Variants in MMS19 observed in about 807,000 individuals in gnomAD.
MMS19 encodes MMS19 cytosolic iron-sulfur assembly component.
Under a neutral mutation model 129.8 loss-of-function variants are expected in MMS19, and 77 were observed. The ratio of observed to expected loss-of-function variants is 0.59; its 90% CI spans 0.49 to 0.72. The LOEUF (loss-of-function observed/expected upper bound fraction) is 0.72. Among genes scored for constraint, MMS19 ranks in the 30% least tolerant of loss-of-function variants. The pLI is 0.00. For synonymous variants in MMS19, 491 were observed against 502.8 expected (o/e 0.98, Z 0.31); for missense variants, 1,168 against 1,266.3 (o/e 0.92, Z 1.18).
rs768046328 is a variant in MMS19 at position 97,468,320 on chromosome 10, G to A, written c.1150C>T (p.Arg384Trp). ...TTGCTGGTGACAGAGTCACAGGCCCGGGCAGATGCACCTGCAGCTGCCTGC... is the reference window on the plus strand; with the variant it reads ...TTGCTGGTGACAGAGTCACAGGCCCAGGCAGATGCACCTGCAGCTGCCTGC... Reference protein sequence around the residue: ...LLQAAAGASARACDSVTSNVL... With the variant: ...LLQAAAGASAWACDSVTSNVL... Residue 384 changes from arginine (R) to tryptophan (W), a missense_variant, in exon 13 of 31, where the codon CGG becomes TGG. Physicochemically the swap from Arg to Trp is moderately radical, Grantham distance 101 (BLOSUM62 -3). This residue lies in a region of MMS19 where 831 missense variants were observed against 910.8 expected (regional missense o/e 0.91). Coordinates refer to ENST00000438925, the MANE Select transcript of MMS19 (RefSeq NM_022362.5). The A allele has an allele frequency of 8.7e-6, 14 of 1,612,066 alleles. No homozygotes were observed. Among genetic ancestry groups the A allele is most frequent in the Admixed American group, 5.0e-5 (3 of 59,826 alleles).
rs2030897629 is a variant in MMS19, at chr10:97,459,216, T to C, written c.2964+7A>G. ...CCAGGCCAGGGAAGGACACCTGAGG[T>C]ACTTACCACAGGGGTGGGCAGGCGA... On this transcript the variant is annotated splice_region_variant and intron_variant, in intron 29 of 30. Transcript: ENST00000438925. The C allele has an allele frequency of 3.1e-6, 5 of 1,609,790 alleles. No homozygotes were observed. The South Asian group carries it at 5.5e-5, about 18-fold the overall frequency.
At chr10:97,486,690 C>T (rs2037905188) in intron 1 of MMS19, among the ~76,000 whole-genome samples, 1 of 151,682 alleles carries the variant, frequency 6.6e-6, no homozygotes, top group African/African-American at 2.4e-5. Flanking sequence ...TTTTTTAAAA[C>T]AAGCACTAAT....
intron 3 of MMS19, among the ~76,000 whole-genome samples, chr10:97,479,872 G>A (rs1346691438): frequency 6.6e-6 from 1 of 151,794 alleles, no homozygotes; most frequent in East Asian, 1.9e-4. Context: ...GGCAAATAGA[G>A]AGGAAAAGGG....
chr10:97,464,121 G>C (rs1164459672), intron 18 of MMS19, 108 bp from the exon 19 acceptor site: 12 of 1,004,192 alleles, frequency 1.2e-5, no homozygotes, highest in Non-Finnish European at 1.7e-5. Context: ...AAGGGACCAA[G>C]AGTGCCTTAT....
chr10:97,459,762 T>C, intron 26 of MMS19, 21 bp from the exon 27 acceptor site: 3 of 1,571,470 alleles, frequency 1.9e-6, no homozygotes, highest in Non-Finnish European at 1.7e-6. Context: ...TGGAAAGGCT[T>C]AGGGGAGAAA....
Position 97,460,247 on chromosome 10 carries a change from G to A in MMS19, c.2470-15C>T. ...AGGCCCATGAGCTGGAGAAAAAAGAGCCTTTGAGGTACATCAGGGAAGAAG... is the reference window on the plus strand; with the variant it reads ...AGGCCCATGAGCTGGAGAAAAAAGAACCTTTGAGGTACATCAGGGAAGAAG... On this transcript the variant is annotated splice_polypyrimidine_tract_variant and intron_variant, in intron 25 of 30. Transcript: ENST00000438925. 6.2e-7 allele frequency: 1 copy of A among 1,606,122 alleles called. No homozygotes were observed. The highest frequency in any genetic ancestry group is 8.5e-7 in the Non-Finnish European group (1 of 1,174,884).
At chr10:97,470,058 G>T in intron 10 of MMS19, 71 bp downstream of exon 10, 1 of 1,080,452 alleles carries the variant, frequency 9.3e-7, no homozygotes, top group Non-Finnish European at 1.4e-6. Flanking sequence ...GGCTATCCTA[G>T]AATCTATATC....
chr10:97,465,040 A>T (rs1424964422), intron 18 of MMS19, among the ~76,000 whole-genome samples: 1 of 147,022 alleles, frequency 6.8e-6, no homozygotes, highest in Non-Finnish European at 1.5e-5. Context: ...ATGGAGTTTC[A>T]CCCTGTTTGC....
At chr10:97,486,862 C>CATATATACATATATATATATATATAT (rs2037943466) in intron 1 of MMS19, among the ~76,000 whole-genome samples, 1 of 85,080 alleles carries the variant, frequency 1.2e-5, no homozygotes, top group African/African-American at 4.1e-5. Flanking sequence ...ATTAAAGTGC[C>CATATATACATATATATATATATATAT]ATATATATAT....
In MMS19 at chr10:97,460,747, G is replaced by C. The variant is rs2031604773; in HGVS notation, c.2417C>G (p.Thr806Arg). The change falls in exon 25 of 31, where the codon ACA becomes AGA. Residue 806 changes from threonine (T) to arginine (R), a missense_variant. By Grantham distance (71) the Thr-to-Arg change is moderately conservative. Around this residue, in one of 3 missense-constraint regions of MMS19, gnomAD observed 831 missense variants for 910.8 expected, o/e 0.91. Transcript: ENST00000438925. ...SQAFTLLLWV[T>R]KALVLRYHPL... ...ATGGTATCTGAGCACTAGGGCCTTT[G>C]TTACCTGTAATTGGAGACAGAGAGA... 3.1e-6 allele frequency: 5 copies of C among 1,597,500 alleles called. No homozygotes were observed. Among genetic ancestry groups the C allele is most frequent in the South Asian group, 1.1e-5 (1 of 87,898 alleles).
intron 1 of MMS19, among the ~76,000 whole-genome samples, chr10:97,497,646 T>G (rs1454863525): frequency 6.6e-6 from 1 of 151,868 alleles, no homozygotes; most frequent in Non-Finnish European, 1.5e-5. Flanking sequence ...AGCAGGAAAG[T>G]GGGGGTCTGG....
At chr10:97,492,849 A>G (rs989838157) in intron 1 of MMS19, among the ~76,000 whole-genome samples, 24 of 110,220 alleles carry the variant, frequency 2.2e-4, no homozygotes, top group Admixed American at 1.0e-3. Context: ...ACAGAGCAAG[A>G]CTTCATCTCC....
chr10:97,464,448 C>A (rs556179357), intron 18 of MMS19, among the ~76,000 whole-genome samples: 94 of 152,314 alleles, frequency 6.2e-4, no homozygotes, highest in Non-Finnish European at 1.2e-3. Context: ...GGGCCTGAAT[C>A]TACCCACAGG....
intron 19 of MMS19, 116 bp from the exon 20 acceptor site, chr10:97,462,798 T>C: frequency 1.3e-6 from 1 of 766,744 alleles, no homozygotes; most frequent in East Asian, 2.7e-5. Flanking sequence ...ACGACAGCAG[T>C]TCTTAATCTG....
chr10:97,466,351 C>T (rs1038202015), intron 16 of MMS19, among the ~76,000 whole-genome samples, 153 bp downstream of exon 16: 1 of 152,218 alleles, frequency 6.6e-6, no homozygotes, highest in East Asian at 1.9e-4. Flanking sequence ...TACATCTCTC[C>T]AACTGGTTAG....
chr10:97,462,074 A>C lies in MMS19; in HGVS notation c.2058T>G (p.Asp686Glu). 1 of 1,590,336 alleles carries C rather than the reference A, an allele frequency of 6.3e-7. No homozygotes were observed. The highest frequency in any genetic ancestry group is 8.6e-7 in the Non-Finnish European group (1 of 1,168,096). ...SVTHIVPLFLDGNVSFLPENS... is the reference protein window; with the variant it reads ...SVTHIVPLFLEGNVSFLPENS... ...TTTCAGGCAGAAAGGACACGTTGCC[A>C]TCCAAGAAGAGGGGCACAATGTGTG... is the stretch of plus-strand genomic sequence containing the variant. Residue 686 changes from aspartate (D) to glutamate (E), a missense_variant, in exon 21 of 31, where the codon GAT becomes GAG. Physicochemically the swap from Asp to Glu is conservative, Grantham distance 45 (BLOSUM62 2). Around this residue, in one of 3 missense-constraint regions of MMS19, gnomAD observed 831 missense variants for 910.8 expected, o/e 0.91. Transcript: ENST00000438925.
chr10:97,476,657 G>T, intron 8 of MMS19, 26 bp downstream of exon 8: 2 of 1,610,212 alleles, frequency 1.2e-6, no homozygotes, highest in South Asian at 2.2e-5. Flanking sequence ...ATAAATATAT[G>T]ATCAAACAAT....
At chr10:97,486,862 CATAT>C (rs148575472) in intron 1 of MMS19, among the ~76,000 whole-genome samples, 889 of 85,084 alleles carry the variant, frequency 0.01, 81 homozygotes, top group Admixed American at 0.045. Flanking sequence ...ATTAAAGTGC[CATAT>C]ATATATATAT....
At chr10:97,490,675 A>C (rs943402650) in intron 1 of MMS19, among the ~76,000 whole-genome samples, 1 of 152,198 alleles carries the variant, frequency 6.6e-6, no homozygotes, top group African/African-American at 2.4e-5. Context: ...CAGTTCTCCT[A>C]AAGTCTGTGG....
Sources: gnomAD v4.1 joint callset for allele counts (sites outside exome capture counted in the v4.1 genomes callset) on GRCh38, gnomAD v4.1.1 for gene constraint, gnomAD v4.1.1 regional missense constraint, MANE v1.5 for transcripts, NCBI Gene and HGNC (gene_info 2026-07-23, HGNC 2026-07-21) for gene names.